The following HAUS8 variants were observed in gnomAD, a reference collection of about 807,000 sequenced individuals.
The protein encoded by HAUS8 is HAUS augmin-like complex subunit 8.
In HAUS8, 38 loss-of-function variants were observed where a neutral mutation model predicts 42.9. That is an observed-to-expected ratio of 0.89 (90% CI 0.68 to 1.16). The LOEUF (loss-of-function observed/expected upper bound fraction) is 1.16. Among genes scored for constraint, HAUS8 ranks in the 50% most tolerant of loss-of-function variants. The pLI, the probability that HAUS8 is intolerant of heterozygous loss-of-function variation, is 0.00. For synonymous variants in HAUS8, 199 were observed against 205.8 expected, an observed-to-expected ratio of 0.97 and a Z score of 0.28; for missense variants, 494 against 511.6, an observed-to-expected ratio of 0.97 and a Z score of 0.33.
intron 6 of HAUS8, 92 bp from the exon 7 acceptor site, chr19:17,058,968 A>G (rs1296705444): frequency 1.0e-6 from 1 of 991,788 alleles, no homozygotes; most frequent in East Asian, 2.5e-5. Context: ...GCTTGTGTGG[A>G]TTTTCTGTAT....
chr19:17,065,231 T>G (rs1311312766), intron 3 of HAUS8, among the ~76,000 whole-genome samples: 4 of 152,238 alleles, frequency 2.6e-5, no homozygotes, highest in Non-Finnish European at 5.9e-5. Flanking sequence ...ATAAAGATGG[T>G]GCAGCCACTG....
intron 9 of HAUS8, chr19:17,053,593 G>C (rs1459875430): frequency 6.5e-5 from 10 of 152,750 alleles, no homozygotes; most frequent in Non-Finnish European, 1.3e-4. Flanking sequence ...TGTGGATGGG[G>C]GGGAGTTAAG....
chr19:17,062,846 C>T (rs1042620644), intron 3 of HAUS8, 67 bp from the exon 4 acceptor site: 19 of 1,158,876 alleles, frequency 1.6e-5, no homozygotes, highest in East Asian at 2.3e-5. Context: ...GGCCCTGATG[C>T]GGTCTGCACT....
chr19:17,071,229 G>A (rs756224195), intron 2 of HAUS8, among the ~76,000 whole-genome samples: 1 of 152,172 alleles, frequency 6.6e-6, no homozygotes, highest in African/African-American at 2.4e-5. Flanking sequence ...TGTTCCAGTT[G>A]ATTCTTCTGT....
At chr19:17,056,705 C>T (rs1242050390) in intron 8 of HAUS8, among the ~76,000 whole-genome samples, 1 of 152,102 alleles carries the variant, frequency 6.6e-6, no homozygotes, top group African/African-American at 2.4e-5. Context: ...ATTCTTGCGC[C>T]TCAGTCTCCC....
At chr19:17,064,136 A>T (rs1025967205) in intron 3 of HAUS8, among the ~76,000 whole-genome samples, 1 of 152,236 alleles carries the variant, frequency 6.6e-6, no homozygotes, top group African/African-American at 2.4e-5. Context: ...AAAATAGAGT[A>T]CCATATACAA....
At chr19:17,061,257 G>A (rs1292821400) in intron 4 of HAUS8, among the ~76,000 whole-genome samples, 1 of 151,954 alleles carries the variant, frequency 6.6e-6, no homozygotes, top group Non-Finnish European at 1.5e-5. Context: ...CAGCCTCCTG[G>A]GTAACTGAGA....
At chr19:17,059,910 C>T (rs2057349719) in intron 5 of HAUS8, 87 bp downstream of exon 5, 2 of 922,220 alleles carry the variant, frequency 2.2e-6, no homozygotes, top group Admixed American at 1.8e-5. Flanking sequence ...GATGTGACCC[C>T]ACTGTAGGCC....
chr19:17,058,308 T>C (rs937497178), intron 8 of HAUS8, among the ~76,000 whole-genome samples: 10 of 152,268 alleles, frequency 6.6e-5, no homozygotes, highest in African/African-American at 2.4e-4. Flanking sequence ...AGGAAGTCTC[T>C]GCACAAGTGC....
chr19:17,068,074 T>TAA, intron 3 of HAUS8, among the ~76,000 whole-genome samples: 1 of 150,724 alleles, frequency 6.6e-6, no homozygotes, highest in South Asian at 2.1e-4. Context: ...AGTTTTTCTC[T>TAA]AAAAACCTGT....
intron 1 of HAUS8, chr19:17,074,831 C>T (rs1274314043): frequency 6.5e-6 from 1 of 152,946 alleles, no homozygotes; most frequent in Non-Finnish European, 1.5e-5. Context: ...GCCTCATGAT[C>T]ATTCATGCCT....
chr19:17,059,280 G>A (rs1421163220), intron 6 of HAUS8, among the ~76,000 whole-genome samples: 1 of 152,230 alleles, frequency 6.6e-6, no homozygotes, highest in Non-Finnish European at 1.5e-5. Context: ...GACAGGGCCT[G>A]GCATTGTGCC....
chr19:17,060,180 T>C, intron 4 of HAUS8, 88 bp from the exon 5 acceptor site: 3 of 658,892 alleles, frequency 4.6e-6, no homozygotes, highest in East Asian at 3.1e-5. Context: ...TTTTGAACAA[T>C]ACCACTTGCT....
chr19:17,064,427 G>A (rs113330774), intron 3 of HAUS8, among the ~76,000 whole-genome samples: 5 of 152,150 alleles, frequency 3.3e-5, no homozygotes, highest in East Asian at 1.9e-4. Flanking sequence ...AAACAGTCTC[G>A]GAAAAGCACA....
chr19:17,050,897 C>CAA (rs886547045), intron 10 of HAUS8, among the ~76,000 whole-genome samples: 3 of 139,692 alleles, frequency 2.1e-5, no homozygotes, highest in Admixed American at 7.2e-5. Flanking sequence ...GACTCCGTCT[C>CAA]AAAAAAAAAA....
At chr19:17,053,053 C>T (rs2057297889) in intron 9 of HAUS8, 87 bp from the exon 10 acceptor site, 1 of 1,514,480 alleles carries the variant, frequency 6.6e-7, no homozygotes, top group African/African-American at 1.4e-5. Context: ...AGACTTCTGT[C>T]ATGATGCTCG....
intron 3 of HAUS8, among the ~76,000 whole-genome samples, chr19:17,066,267 A>C (rs1323833988): frequency 6.6e-6 from 1 of 152,008 alleles, no homozygotes; most frequent in Non-Finnish European, 1.5e-5. Flanking sequence ...GCTAATGAAA[A>C]AAAAAAAATT....
intron 5 of HAUS8, 32 bp downstream of exon 5, chr19:17,059,965 G>A: frequency 6.7e-7 from 1 of 1,497,544 alleles, no homozygotes; most frequent in Non-Finnish European, 9.3e-7. Flanking sequence ...AACCCCCAGT[G>A]AGTGACAGAA....
Position 17,062,716 on chromosome 19 carries a change from G to C in HAUS8, c.211C>G (p.Leu71Val), listed in dbSNP as rs748457376. Reference protein sequence around the residue: ...KMSEGGRKSSLLQKSKADSSG... With the variant: ...KMSEGGRKSSVLQKSKADSSG... ...TTCGCACCTTTGCTTTTCTGGAGCAGGCTGGATTTCCTTCCACCTTCAGAC... is the reference window on the plus strand; with the variant it reads ...TTCGCACCTTTGCTTTTCTGGAGCACGCTGGATTTCCTTCCACCTTCAGAC... Residue 71 changes from leucine (L) to valine (V), a missense_variant, in exon 4 of 11, where the codon CTG becomes GTG. Leu to Val is a conservative substitution (Grantham distance 32). Coordinates refer to ENST00000253669, the MANE Select transcript of HAUS8 (RefSeq NM_033417.2). 118 of 1,614,016 alleles carry C rather than the reference G, an allele frequency of 7.3e-5. 1 individual carries two copies. The South Asian group carries it at 1.2e-3, about 16-fold the overall frequency.
Sources: allele counts gnomAD v4.1 joint callset (sites outside exome capture counted in the v4.1 genomes callset), GRCh38; gene constraint gnomAD v4.1.1; transcripts MANE v1.5; gene names NCBI Gene and HGNC (gene_info 2026-07-23, HGNC 2026-07-21).